The following ROBO1 variants were observed in gnomAD, a reference collection of about 807,000 sequenced individuals.
The protein encoded by ROBO1 is roundabout homolog 1.
A neutral mutation model predicts 195.9 loss-of-function variants in ROBO1; 149 were observed. The ratio of observed to expected loss-of-function variants is 0.76; its 90% CI spans 0.67 to 0.87. The LOEUF is 0.87. Ranked by LOEUF, ROBO1 falls within the 40% of genes least tolerant of loss-of-function variation. The pLI, the probability that ROBO1 is intolerant of heterozygous loss-of-function variation, is 0.00. For missense variants in ROBO1, 1,933 were observed against 2,068.3 expected, an observed-to-expected ratio of 0.93 and a Z score of 1.27; for synonymous variants, 816 against 733.2, an observed-to-expected ratio of 1.11 and a Z score of -1.82.
At chr3:79,079,608 G>T (rs1047308670) in intron 3 of ROBO1, among the ~76,000 whole-genome samples, 7 of 151,648 alleles carry the variant, frequency 4.6e-5, no homozygotes, top group Middle Eastern at 3.4e-3. Context: ...GATAAAATGT[G>T]TTCAATATCC....
intron 10 of ROBO1, among the ~76,000 whole-genome samples, chr3:78,676,125 A>G (rs1414536211): frequency 6.6e-6 from 1 of 152,202 alleles, no homozygotes; most frequent in Non-Finnish European, 1.5e-5. Context: ...CCTGTCTGTT[A>G]GAAGGAAAAC....
At chr3:78,652,527 A>G (rs1331221929) in intron 18 of ROBO1, among the ~76,000 whole-genome samples, 1 of 151,980 alleles carries the variant, frequency 6.6e-6, no homozygotes, top group Non-Finnish European at 1.5e-5. Context: ...TCTTAGAAAC[A>G]CATTACTTAA....
chr3:78,969,513 G>T (rs903010043), intron 3 of ROBO1, among the ~76,000 whole-genome samples: 1 of 152,292 alleles, frequency 6.6e-6, no homozygotes, highest in East Asian at 1.9e-4. Context: ...CTAGATCAGG[G>T]TATTTGAAAA....
At chr3:79,210,727 C>T (rs2081953786) in intron 2 of ROBO1, among the ~76,000 whole-genome samples, 1 of 151,926 alleles carries the variant, frequency 6.6e-6, no homozygotes, top group Non-Finnish European at 1.5e-5. Context: ...GACCTAGTAT[C>T]TGAAGAACAA....
At chr3:79,034,945 A>T (rs1559609733) in intron 3 of ROBO1, among the ~76,000 whole-genome samples, 1 of 152,088 alleles carries the variant, frequency 6.6e-6, no homozygotes, top group Non-Finnish European at 1.5e-5. Context: ...ACAGACAATA[A>T]AACCAGTAAT....
At chr3:79,018,725 A>G in intron 3 of ROBO1, 1 of 1,251,000 alleles carries the variant, frequency 8.0e-7, no homozygotes, top group Non-Finnish European at 1.0e-6. Context: ...TTCAAGAACC[A>G]TCCAAAGCGA....
chr3:79,540,861 C>G (rs1462673254), intron 2 of ROBO1, among the ~76,000 whole-genome samples: 2 of 152,036 alleles, frequency 1.3e-5, no homozygotes, highest in Non-Finnish European at 2.9e-5. Flanking sequence ...TTTTTTACAT[C>G]CTGTGTATAA....
intron 2 of ROBO1, among the ~76,000 whole-genome samples, chr3:79,159,911 C>T (rs1197210376): frequency 4.6e-5 from 7 of 151,992 alleles, no homozygotes; most frequent in Admixed American, 6.6e-5. Context: ...AAAGAAACTG[C>T]TTCTTGTTGT....
At chr3:79,046,722 T>C (rs2078601442) in intron 3 of ROBO1, among the ~76,000 whole-genome samples, 1 of 152,054 alleles carries the variant, frequency 6.6e-6, no homozygotes, top group African/African-American at 2.4e-5. Context: ...TGGCAGCTGA[T>C]TAGATGGTGC....
chr3:79,214,855 G>C (rs2082027890), intron 2 of ROBO1, among the ~76,000 whole-genome samples: 1 of 146,484 alleles, frequency 6.8e-6, no homozygotes, highest in Non-Finnish European at 1.5e-5. Context: ...TACAGTTTGA[G>C]GTTTAGTCTC....
chr3:78,689,708 AT>A (rs1261285826), intron 8 of ROBO1, among the ~76,000 whole-genome samples: 1 of 152,040 alleles, frequency 6.6e-6, no homozygotes, highest in African/African-American at 2.4e-5. Flanking sequence ...TTCAAGCGAC[AT>A]TTAATAGTTT....
At position 78,898,387 on chromosome 3, in the gene ROBO1, T is replaced by G. The variant is rs865820180; in HGVS notation, c.499+40214A>C. ...GATAGATAGATAGATAGGGTTTTTT[T>G]TTTTTTTTTTTTTTTTTTGAGACGG... On this transcript the variant is annotated intron_variant, in intron 4 of 30. Transcript: ENST00000464233. Among the ~76,000 whole-genome samples the G allele has an allele frequency of 4.6e-3, 618 of 135,058 alleles. 4 individuals are homozygous for G. The highest frequency in any genetic ancestry group is 0.016 in the African/African-American group (579 of 35,454). The allele number at this position is 135,058 out of a possible 152,430, so 88.6% of individuals were successfully genotyped here.
chr3:78,938,434 A>G (rs1223520564), intron 4 of ROBO1, 167 bp downstream of exon 4: 12 of 585,510 alleles, frequency 2.0e-5, no homozygotes, highest in Non-Finnish European at 3.2e-5. Flanking sequence ...ACAAGTTAGG[A>G]TGAGAAATAC....
chr3:79,766,752 G>C (rs1705020345), intron 1 of ROBO1, among the ~76,000 whole-genome samples: 1 of 152,156 alleles, frequency 6.6e-6, no homozygotes, highest in Admixed American at 6.5e-5. Flanking sequence ...ATGGAAGCGG[G>C]GCTGGCAAGA....
chr3:79,649,957 T>C (rs987161834), intron 1 of ROBO1, among the ~76,000 whole-genome samples: 1 of 152,088 alleles, frequency 6.6e-6, no homozygotes, highest in African/African-American at 2.4e-5. Context: ...TTTAGAATTT[T>C]ACAAGGTTTT....
At chr3:78,841,197 C>A (rs544515204) in intron 4 of ROBO1, among the ~76,000 whole-genome samples, 2 of 152,114 alleles carry the variant, frequency 1.3e-5, no homozygotes, top group East Asian at 3.9e-4. Context: ...GAATAAGAAT[C>A]ATGGATAAAC....
chr3:78,597,473 A>AGTT lies in ROBO1; in HGVS notation c.*1437_*1439dup, dbSNP rs1331030351. On this transcript the variant is annotated 3_prime_UTR_variant, in exon 31 of 31. Transcript: ENST00000464233. Reference sequence around the variant, plus strand: ...ACACCAGCCTTTTTTTTTGTGGTTCAGTTTTGTTTGGCTTTGTTTTCCACT... The same window carrying AGTT: ...ACACCAGCCTTTTTTTTTGTGGTTCAGTTGTTTTGTTTGGCTTTGTTTTCCACT... 1.3e-5 allele frequency: 2 copies of AGTT among 152,406 alleles called. No individual in the cohort carries two copies. 9.4% of individuals were successfully genotyped at this position (152,406 alleles called of 1,614,324 possible).
intron 4 of ROBO1, among the ~76,000 whole-genome samples, chr3:78,900,861 A>G (rs564934613): frequency 6.6e-6 from 1 of 152,286 alleles, no homozygotes; most frequent in East Asian, 1.9e-4. Context: ...GAAAGAATGG[A>G]AATTGGAAAC....
chr3:79,311,690 A>T (rs185072282), intron 2 of ROBO1, among the ~76,000 whole-genome samples: 2 of 152,292 alleles, frequency 1.3e-5, no homozygotes, highest in African/African-American at 4.8e-5. Flanking sequence ...GCCTCCAGTA[A>T]TAACACTAGC....
Sources: gnomAD v4.1 joint callset for allele counts (sites outside exome capture counted in the v4.1 genomes callset) on GRCh38, gnomAD v4.1.1 for gene constraint, MANE v1.5 for transcripts, NCBI Gene and HGNC (gene_info 2026-07-23, HGNC 2026-07-21) for gene names.